USP48: variants seen among roughly 807,000 people sequenced by gnomAD.
USP48 encodes the protein ubiquitin specific peptidase 48.
USP48 carries 43 observed loss-of-function variants against 150.7 expected under a neutral mutation model. The observed-to-expected ratio is 0.29, with a 90% CI of 0.22 to 0.37. USP48 has a LOEUF of 0.37. Ranked by LOEUF, USP48 falls within the 10% of genes least tolerant of loss-of-function variation. USP48 has a pLI of 1.00. For synonymous variants in USP48, 396 were observed against 425.9 expected (o/e 0.93, Z 0.86); for missense variants, 813 against 1,249.6 (o/e 0.65, Z 5.27).
intron 9 of USP48, among the ~76,000 whole-genome samples, chr1:21,733,232 A>G (rs922660004): frequency 5.9e-5 from 9 of 152,172 alleles, no homozygotes; most frequent in African/African-American, 9.7e-5. Flanking sequence ...CCTGGCCAAC[A>G]TGGTGAAACC....
chr1:21,736,954 C>T (rs2097770094), intron 8 of USP48, among the ~76,000 whole-genome samples: 1 of 152,184 alleles, frequency 6.6e-6, no homozygotes, highest in African/African-American at 2.4e-5. Flanking sequence ...AGGCCACACG[C>T]TTCCCAAGAA....
chr1:21,699,506 G>C (rs1312888733), intron 22 of USP48, among the ~76,000 whole-genome samples: 1 of 147,030 alleles, frequency 6.8e-6, no homozygotes, highest in Non-Finnish European at 1.5e-5. Context: ...CCTAATTTTT[G>C]TATTTTTATT....
At chr1:21,771,308 A>G (rs2097879633) in intron 1 of USP48, among the ~76,000 whole-genome samples, 1 of 151,776 alleles carries the variant, frequency 6.6e-6, no homozygotes, top group African/African-American at 2.4e-5. Flanking sequence ...CGGGAGATGG[A>G]GGCTGAAGTG....
intron 9 of USP48, among the ~76,000 whole-genome samples, chr1:21,734,854 C>G (rs2097765242): frequency 6.6e-6 from 1 of 152,170 alleles, no homozygotes; most frequent in Non-Finnish European, 1.5e-5. Flanking sequence ...ATGGCTCCAA[C>G]TAGAAAAACT....
chr1:21,735,398 G>A (rs966031308), intron 9 of USP48, among the ~76,000 whole-genome samples: 16 of 152,052 alleles, frequency 1.1e-4, no homozygotes, highest in African/African-American at 3.9e-4. Context: ...TCAGGAGTTC[G>A]AAACTAGCCT....
At chr1:21,757,595 C>G (rs1436011938) in intron 2 of USP48, 68 bp downstream of exon 2, 1 of 1,542,536 alleles carries the variant, frequency 6.5e-7, no homozygotes, top group Non-Finnish European at 8.8e-7. Context: ...TGATCACAGG[C>G]CCAAAACAAA....
At chr1:21,753,266 A>T in intron 3 of USP48, 147 bp from the exon 4 acceptor site, 1 of 939,468 alleles carries the variant, frequency 1.1e-6, no homozygotes, top group Non-Finnish European at 1.5e-6. Context: ...CTTTAAAAGA[A>T]ATAGGCTGAG....
chr1:21,713,076 C>T (rs2097694724), intron 15 of USP48, among the ~76,000 whole-genome samples: 1 of 142,092 alleles, frequency 7.0e-6, no homozygotes, highest in South Asian at 2.6e-4. Context: ...CCCTCCCTTT[C>T]TTTCTTTCTC....
rs1185263002 is a variant in USP48, at chr1:21,688,842, CAAAAAA to C, written c.3009+1126_3009+1131del. Among the ~76,000 whole-genome samples the C allele has an allele frequency of 7.1e-4, 63 of 88,980 alleles. No homozygotes were observed. In the East Asian group the frequency reaches 0.022, roughly 31 times the overall value. 58.4% of individuals were successfully genotyped at this position (88,980 alleles called of 152,430 possible). On this transcript the variant is annotated intron_variant, in intron 24 of 26. Transcript: ENST00000308271. ...TGGGCAACACAGCGAGACTCCATCT[CAAAAAA>C]AAAAAAAAAAAAAAGAAGAAGCCCC...
At position 21,709,415 on chromosome 1, in the gene USP48, A is replaced by G. The variant is rs1306959215; in HGVS notation, c.1964-2547T>C. Among the ~76,000 whole-genome samples the G allele has an allele frequency of 5.9e-5, 9 of 152,258 alleles. 1 individual carries two copies. The South Asian group carries it at 1.5e-3, about 25-fold the overall frequency. Reference sequence around the variant, plus strand: ...ATCCTCAGACACAATTAGGGAATTTATTTTTAAAAATGAAAGAAAAAGGTT... The same window carrying G: ...ATCCTCAGACACAATTAGGGAATTTGTTTTTAAAAATGAAAGAAAAAGGTT... On this transcript the variant is annotated intron_variant, in intron 15 of 26. Coordinates refer to ENST00000308271, the MANE Select transcript of USP48 (RefSeq NM_032236.8).
intron 15 of USP48, among the ~76,000 whole-genome samples, chr1:21,708,652 G>A (rs2097680446): frequency 6.6e-6 from 1 of 151,964 alleles, no homozygotes. Flanking sequence ...AGGAGGCTGA[G>A]GTGAGTGGAT....
chr1:21,697,053 C>T (rs952478226), intron 22 of USP48, among the ~76,000 whole-genome samples: 4 of 152,056 alleles, frequency 2.6e-5, no homozygotes, highest in African/African-American at 4.8e-5. Context: ...TTTCCACAGT[C>T]GTCACTGAAT....
chr1:21,706,911 A>G (rs1325905710), intron 15 of USP48, 43 bp from the exon 16 acceptor site: 6 of 1,551,248 alleles, frequency 3.9e-6, no homozygotes, highest in Non-Finnish European at 4.3e-6. Flanking sequence ...AAAACAGCTG[A>G]AAAAAAGTCA....
At chr1:21,709,944 ATAG>A (rs1315911665) in intron 15 of USP48, among the ~76,000 whole-genome samples, 2 of 152,108 alleles carry the variant, frequency 1.3e-5, no homozygotes, top group African/African-American at 4.8e-5. Context: ...AATTACTACC[ATAG>A]TAGTTGTTAA....
At chr1:21,688,124 C>A (rs1002694484) in intron 24 of USP48, among the ~76,000 whole-genome samples, 1 of 152,156 alleles carries the variant, frequency 6.6e-6, no homozygotes, top group Non-Finnish European at 1.5e-5. Flanking sequence ...AGTAGGGATT[C>A]TTTTGGCCAA....
chr1:21,716,115 G>T (rs2097703537), intron 14 of USP48, among the ~76,000 whole-genome samples: 1 of 152,126 alleles, frequency 6.6e-6, no homozygotes, highest in Admixed American at 6.6e-5. Flanking sequence ...CTCACAGACA[G>T]ATTTGTTCCT....
chr1:21,748,909 C>CA (rs1557561564), intron 6 of USP48, among the ~76,000 whole-genome samples: 2 of 151,326 alleles, frequency 1.3e-5, no homozygotes, highest in East Asian at 1.9e-4. Context: ...GACTCTGTCT[C>CA]AAAAAAATGA....
chr1:21,731,077 A>G (rs968070896), intron 9 of USP48, among the ~76,000 whole-genome samples: 25 of 152,042 alleles, frequency 1.6e-4, no homozygotes, highest in African/African-American at 6.0e-4. Context: ...TTTATTCTCA[A>G]TGATTGCTTG....
chr1:21,712,776 C>T (rs936732477), intron 15 of USP48, among the ~76,000 whole-genome samples: 7 of 151,732 alleles, frequency 4.6e-5, no homozygotes, highest in Non-Finnish European at 8.8e-5. Flanking sequence ...TTACAGGCGT[C>T]CACCATGACA....
Sources: allele counts gnomAD v4.1 joint callset (sites outside exome capture counted in the v4.1 genomes callset), GRCh38; gene constraint gnomAD v4.1.1; transcripts MANE v1.5; gene names NCBI Gene and HGNC (gene_info 2026-07-23, HGNC 2026-07-21).